KIF13B: variants seen among roughly 807,000 people sequenced by gnomAD.
KIF13B encodes kinesin-like protein KIF13B.
Under a neutral mutation model 222.0 loss-of-function variants are expected in KIF13B, and 127 were observed. That is an observed-to-expected ratio of 0.57 (90% CI 0.50 to 0.66). The LOEUF (loss-of-function observed/expected upper bound fraction) is 0.66. KIF13B is among the 30% of genes least tolerant of loss of function. The probability of loss-of-function intolerance (pLI) is 0.00; values close to 1 mark genes in which losing one functional copy is unlikely to be tolerated. For synonymous variants in KIF13B, 976 were observed against 919.0 expected (o/e 1.06, Z -1.12); for missense variants, 2,173 against 2,379.0 (o/e 0.91, Z 1.80).
chr8:29,262,976 T>C lies in KIF13B; in HGVS notation c.55+4A>G, dbSNP rs761942880. On this transcript the variant is annotated splice_donor_region_variant and intron_variant, in intron 1 of 39. Coordinates refer to ENST00000524189, the MANE Select transcript of KIF13B (RefSeq NM_015254.4). Reference sequence around the variant, plus strand: ...CCGGCGGCCCAGGAGGGCTCGGCTCTCACCTCGCCGGTTCATGGGTCGTAT... The same window carrying C: ...CCGGCGGCCCAGGAGGGCTCGGCTCCCACCTCGCCGGTTCATGGGTCGTAT... 6.3e-7 allele frequency: 1 copy of C among 1,588,676 alleles called. No individual in the cohort carries two copies. Among genetic ancestry groups the C allele is most frequent in the Non-Finnish European group, 8.6e-7 (1 of 1,169,456 alleles).
At chr8:29,131,842 G>C (rs559155708) in intron 23 of KIF13B, among the ~76,000 whole-genome samples, 9 of 152,330 alleles carry the variant, frequency 5.9e-5, no homozygotes, top group Non-Finnish European at 1.2e-4. Context: ...GTTTAATTGT[G>C]TGATTAATAC....
At chr8:29,257,732 G>GGAGGTT (rs1430785750) in intron 1 of KIF13B, among the ~76,000 whole-genome samples, 20 of 152,202 alleles carry the variant, frequency 1.3e-4, no homozygotes, top group Admixed American at 9.2e-4. Context: ...CTAGAGCCCA[G>GGAGGTT]GAGGTTGAGG....
Position 29,130,536 on chromosome 8 carries a change from C to T in KIF13B, c.3072G>A (p.Arg1024=), listed in dbSNP as rs773549169. Residue 1024 remains arginine (R), a synonymous_variant, in exon 24 of 40, where the codon CGG becomes CGA. Coordinates refer to ENST00000524189, the MANE Select transcript of KIF13B (RefSeq NM_015254.4). ...TAAACATTCACAATCTTGTTACCTG[C>T]CGGAGCTGGAAGATTCCTCCTGTTG... is the stretch of plus-strand genomic sequence containing the variant. ...DVPTGGIFQL[R]QGQSRRVQVE... is the part of the protein sequence containing the mutation. 38 of 1,613,728 alleles carry T rather than the reference C, an allele frequency of 2.4e-5. No homozygotes were observed. The highest frequency in any genetic ancestry group is 3.2e-5 in the Non-Finnish European group (38 of 1,179,728).
Position 29,177,496 on chromosome 8 carries a change from T to A in KIF13B, c.803A>T (p.Asp268Val). The A allele has an allele frequency of 6.2e-7, 1 of 1,613,502 alleles. No individual in the cohort carries two copies. Among genetic ancestry groups the A allele is most frequent in the Non-Finnish European group, 8.5e-7 (1 of 1,179,408 alleles). The change falls in exon 9 of 40, where the codon GAC becomes GTC. Residue 268 changes from aspartate (D) to valine (V), a missense_variant. Transcript: ENST00000524189. ...ERATKTGAAG[D>V]RLKEGSNINK... is the part of the protein sequence containing the mutation. ...AATGTTGCTCCCTTCCTTCAGCCTG[T>A]CCCCTGCAGCGCCTGTCTTCGTTGC...
chr8:29,126,364 C>CA (rs1323824336), intron 26 of KIF13B, 118 bp downstream of exon 26: 53 of 712,184 alleles, frequency 7.4e-5, no homozygotes, highest in Non-Finnish European at 9.5e-5. Context: ...TTTAAAACAA[C>CA]AAAAAAATCA....
chr8:29,186,431 G>T lies in KIF13B; in HGVS notation c.358C>A (p.Pro120Thr), dbSNP rs1384412173. The change falls in exon 6 of 40, where the codon CCT (proline) becomes ACT (threonine). Residue 120 changes from proline to threonine, a missense_variant. Coordinates refer to ENST00000524189, the MANE Select transcript of KIF13B (RefSeq NM_015254.4). Reference sequence around the variant, plus strand: ...CTGCAAAGTCTTGGGATTAATCCAGGTTGGTCAGCTGTGCCCATCATGGTA... The same window carrying T: ...CTGCAAAGTCTTGGGATTAATCCAGTTTGGTCAGCTGTGCCCATCATGGTA... The part of the protein sequence containing the change: ...SYTMMGTADQ[P>T]GLIPRLCSGL... The T allele has an allele frequency of 6.2e-7, 1 of 1,613,484 alleles. No individual in the cohort carries two copies. Among genetic ancestry groups the T allele is most frequent in the Admixed American group, 1.7e-5 (1 of 59,920 alleles).
intron 29 of KIF13B, among the ~76,000 whole-genome samples, chr8:29,120,166 GTTTTTT>G (rs57731633): frequency 7.7e-4 from 79 of 102,368 alleles, no homozygotes; most frequent in African/African-American, 2.4e-3. Flanking sequence ...AAAAATGACA[GTTTTTT>G]TTTTTTTTTT....
intron 14 of KIF13B, among the ~76,000 whole-genome samples, chr8:29,155,355 G>C (rs541681162): frequency 6.6e-6 from 1 of 152,160 alleles, no homozygotes; most frequent in Non-Finnish European, 1.5e-5. Context: ...GACCCAACAG[G>C]AGTTAGCAGG....
intron 12 of KIF13B, among the ~76,000 whole-genome samples, chr8:29,163,231 C>G (rs535536026): frequency 6.6e-6 from 1 of 152,228 alleles, no homozygotes; most frequent in Non-Finnish European, 1.5e-5. Context: ...AGTCTTTTTT[C>G]TTAAGAACTT....
At chr8:29,161,010 G>T in intron 12 of KIF13B, 143 bp from the exon 13 acceptor site, 2 of 634,798 alleles carry the variant, frequency 3.2e-6, no homozygotes, top group South Asian at 3.5e-5. Context: ...TAGATTTATT[G>T]CATTTTTCTC....
At chr8:29,257,302 G>A (rs1816518266) in intron 1 of KIF13B, among the ~76,000 whole-genome samples, 1 of 151,790 alleles carries the variant, frequency 6.6e-6, no homozygotes, top group South Asian at 2.1e-4. Flanking sequence ...GCACTTCCCA[G>A]GTCACAGGGC....
intron 37 of KIF13B, among the ~76,000 whole-genome samples, chr8:29,087,994 G>A (rs891660596): frequency 6.6e-6 from 1 of 152,046 alleles, no homozygotes; most frequent in East Asian, 1.9e-4. Flanking sequence ...TTGGCTGGGC[G>A]CAGTGGTTCA....
intron 37 of KIF13B, among the ~76,000 whole-genome samples, chr8:29,082,560 G>A (rs543000408): frequency 1.6e-4 from 24 of 151,896 alleles, no homozygotes; most frequent in Admixed American, 4.6e-4. Flanking sequence ...GAGGACTTGC[G>A]CCCAGGAGTT....
intron 17 of KIF13B, 72 bp from the exon 18 acceptor site, chr8:29,146,612 A>T: frequency 1.5e-6 from 2 of 1,350,092 alleles, no homozygotes; most frequent in South Asian, 2.5e-5. Context: ...AAAATCATAC[A>T]GTGGTAGTAC....
At chr8:29,108,726 A>C (rs769816477) in intron 34 of KIF13B, among the ~76,000 whole-genome samples, 13 of 152,202 alleles carry the variant, frequency 8.5e-5, no homozygotes, top group Non-Finnish European at 1.2e-4. Context: ...ATCCAGCGTG[A>C]AACTCCTCCT....
intron 23 of KIF13B, 149 bp from the exon 24 acceptor site, chr8:29,130,814 G>A: frequency 1.5e-6 from 1 of 652,548 alleles, no homozygotes; most frequent in Non-Finnish European, 2.6e-6. Flanking sequence ...TACCATGCAT[G>A]TACATACTGG....
At chr8:29,231,542 G>T (rs899428361) in intron 2 of KIF13B, among the ~76,000 whole-genome samples, 6 of 152,170 alleles carry the variant, frequency 3.9e-5, no homozygotes, top group Non-Finnish European at 5.9e-5. Flanking sequence ...GGTAACACTG[G>T]ATGAGAATGA....
At chr8:29,127,347 T>G in intron 24 of KIF13B, 79 bp from the exon 25 acceptor site, 1 of 1,226,802 alleles carries the variant, frequency 8.2e-7, no homozygotes, top group South Asian at 1.6e-5. Flanking sequence ...CCCTACAGGC[T>G]GATGTTGAGA....
At chr8:29,136,551 C>G (rs1157803770) in intron 21 of KIF13B, among the ~76,000 whole-genome samples, 1 of 150,490 alleles carries the variant, frequency 6.6e-6, no homozygotes, top group South Asian at 2.1e-4. Context: ...CCATTGCACT[C>G]TAGCCTGGGC....
Sources: allele counts gnomAD v4.1 joint callset (sites outside exome capture counted in the v4.1 genomes callset), GRCh38; gene constraint gnomAD v4.1.1; transcripts MANE v1.5; gene names NCBI Gene and HGNC (gene_info 2026-07-23, HGNC 2026-07-21).